OGFOD3: variants seen among roughly 807,000 people sequenced by gnomAD.
OGFOD3 encodes 2-oxoglutarate and iron dependent oxygenase domain containing 3, also known as 2-oxoglutarate and iron-dependent oxygenase domain-containing protein 3.
A neutral mutation model predicts 39.8 loss-of-function variants in OGFOD3; 35 were observed. The ratio of observed to expected loss-of-function variants is 0.88; its 90% CI spans 0.67 to 1.17. OGFOD3 has a LOEUF of 1.17. Ranked by LOEUF, OGFOD3 falls within the 50% of genes most tolerant of loss-of-function variation. OGFOD3 has a pLI of 0.00. For missense variants in OGFOD3, 438 were observed against 454.5 expected (o/e 0.96, Z 0.33); for synonymous variants, 200 against 192.0 (o/e 1.04, Z -0.34).
chr17:82,398,249 C>A lies in OGFOD3; in HGVS notation c.770G>T (p.Gly257Val), dbSNP rs1567866833. ...ACCCTCCTCCATGAACATGAACCGC[C>A]CTCCGCCGAAGTCCTCCAGGTAGTT... ...LSNYLEDFGG[G>V]RFMFMEEGAN... Residue 257 changes from glycine (G) to valine (V), a missense_variant, in exon 8 of 9, where the codon GGG becomes GTG. Transcript: ENST00000313056. 1.2e-6 allele frequency: 2 copies of A among 1,614,174 alleles called. No individual in the cohort carries two copies. Among genetic ancestry groups the A allele is most frequent in the Non-Finnish European group, 1.7e-6 (2 of 1,180,026 alleles).
At chr17:82,411,919 A>G (rs538186713) in intron 2 of OGFOD3, among the ~76,000 whole-genome samples, 2 of 152,086 alleles carry the variant, frequency 1.3e-5, no homozygotes, top group Non-Finnish European at 2.9e-5. Context: ...AGACCGCCAG[A>G]GAGGAAAACC....
intron 8 of OGFOD3, chr17:82,394,558 C>T (rs757750601): frequency 1.9e-6 from 3 of 1,595,100 alleles, no homozygotes; most frequent in South Asian, 1.1e-5. Flanking sequence ...GGACACAGGA[C>T]AGGGATTGTG....
intron 2 of OGFOD3, among the ~76,000 whole-genome samples, chr17:82,413,768 G>C (rs1276614856): frequency 1.3e-5 from 2 of 151,846 alleles, no homozygotes; most frequent in Non-Finnish European, 2.9e-5. Flanking sequence ...CTACTCAGGA[G>C]GCTGAGGCAG....
chr17:82,405,927 G>A (rs368694797), intron 5 of OGFOD3, among the ~76,000 whole-genome samples: 1 of 152,214 alleles, frequency 6.6e-6, no homozygotes, highest in Non-Finnish European at 1.5e-5. Context: ...CAGCCTAGGC[G>A]ACAGAGCAAG....
chr17:82,413,099 C>T (rs1238686409), intron 2 of OGFOD3, among the ~76,000 whole-genome samples: 1 of 152,176 alleles, frequency 6.6e-6, no homozygotes, highest in Non-Finnish European at 1.5e-5. Context: ...ATCTAATGGA[C>T]ATAGGTGTTG....
intron 8 of OGFOD3, among the ~76,000 whole-genome samples, chr17:82,396,209 C>T (rs1368743809): frequency 6.7e-6 from 1 of 149,946 alleles, no homozygotes; most frequent in Non-Finnish European, 1.5e-5. Flanking sequence ...AGATGTACGA[C>T]ATCAAATCGC....
rs538772407 is a variant in OGFOD3, at chr17:82,394,462, G to C, written c.824-1928C>G. ...AGTCCCCGGAGGACACCTGACTCCA[G>C]CCTTCGCACCAGCAGCTTCACTGGC... On this transcript the variant is annotated intron_variant, in intron 8 of 8. Transcript: ENST00000313056. 5.0e-6 allele frequency: 8 copies of C among 1,613,972 alleles called. No homozygotes were observed. Among genetic ancestry groups the C allele is most frequent in the Middle Eastern group, 3.3e-4 (2 of 6,060 alleles).
Position 82,403,824 on chromosome 17 carries a change from ACGCTCACCTTGTCCACGAGCG to A in OGFOD3, c.699+92_699+112del, listed in dbSNP as rs1026235747. The A allele has an allele frequency of 6.7e-6, 9 of 1,340,632 alleles. No homozygotes were observed. In the East Asian group the frequency reaches 7.8e-5, roughly 12 times the overall value. The allele number at this position is 1,340,632 out of a possible 1,614,324, so 83.0% of individuals were successfully genotyped here. On this transcript the variant is annotated intron_variant, in intron 7 of 8. Transcript: ENST00000313056. Reference sequence around the variant, plus strand: ...GTACGCACTCACCCTGCCCACGGGCACGCTCACCTTGTCCACGAGCGCGCTCACCCTGCCCACGTGCGCACT... The same window carrying A: ...GTACGCACTCACCCTGCCCACGGGCACGCTCACCCTGCCCACGTGCGCACT...
At chr17:82,394,076 G>C (rs550534837) in intron 8 of OGFOD3, among the ~76,000 whole-genome samples, 1 of 148,416 alleles carries the variant, frequency 6.7e-6, no homozygotes, top group South Asian at 2.1e-4. Flanking sequence ...TGCAAGCTCT[G>C]CCTCCTGGGT....
At chr17:82,416,304 G>A (rs978878720) in intron 1 of OGFOD3, among the ~76,000 whole-genome samples, 2 of 152,170 alleles carry the variant, frequency 1.3e-5, no homozygotes, top group Admixed American at 1.3e-4. Context: ...ACAAAATAAG[G>A]ATGTTTAAAA....
intron 4 of OGFOD3, among the ~76,000 whole-genome samples, chr17:82,407,569 G>A (rs984094448): frequency 1.3e-5 from 2 of 152,148 alleles, no homozygotes; most frequent in Non-Finnish European, 2.9e-5. Flanking sequence ...CCTTCCCTAC[G>A]TCCTCAGAGG....
chr17:82,418,298 CCCCCCA>C (rs1476756192), intron 1 of OGFOD3, 108 bp downstream of exon 1: 11 of 145,332 alleles, frequency 7.6e-5, no homozygotes, highest in Middle Eastern at 3.4e-3. Flanking sequence ...CCACCTGCCC[CCCCCCA>C]CCCCCCCACC....
At chr17:82,402,917 G>A (rs891909674) in intron 7 of OGFOD3, among the ~76,000 whole-genome samples, 2 of 152,136 alleles carry the variant, frequency 1.3e-5, no homozygotes, top group East Asian at 1.9e-4. Context: ...GCCAGGCGTC[G>A]GGGCACGCAC....
intron 8 of OGFOD3, 112 bp downstream of exon 8, chr17:82,398,084 A>C: frequency 2.2e-6 from 3 of 1,361,280 alleles, no homozygotes; most frequent in Non-Finnish European, 3.1e-6. Flanking sequence ...CCGGCCCGGC[A>C]CACAGCAGAT....
At chr17:82,395,304 T>G (rs1187464210) in intron 8 of OGFOD3, among the ~76,000 whole-genome samples, 1 of 152,184 alleles carries the variant, frequency 6.6e-6, no homozygotes, top group Non-Finnish European at 1.5e-5. Flanking sequence ...GTGCTGGGAT[T>G]ACAGGTGTGA....
intron 4 of OGFOD3, 152 bp downstream of exon 4, chr17:82,409,216 G>A (rs2052905129): frequency 2.8e-6 from 2 of 719,594 alleles, no homozygotes; most frequent in East Asian, 5.2e-5. Flanking sequence ...AGGCGCAGCT[G>A]CTGCGGCTGG....
intron 7 of OGFOD3, among the ~76,000 whole-genome samples, chr17:82,402,798 T>A (rs929913382): frequency 6.6e-6 from 1 of 151,390 alleles, no homozygotes; most frequent in African/African-American, 2.4e-5. Context: ...CTCTCGCCTG[T>A]AATCCCAGCA....
rs2052863550 is a variant in OGFOD3, at chr17:82,406,819, CT to C, written c.424-338del. Among the ~76,000 whole-genome samples the C allele has an allele frequency of 6.6e-6, 1 of 152,134 alleles. No individual in the cohort carries two copies. The highest frequency in any genetic ancestry group is 6.5e-5 in the Admixed American group (1 of 15,270). ...GTCTCACTATATTACCTAGGCTGGT[CT>C]CGAACTCCGGGGCTCAAGTGATCCT... is the stretch of plus-strand genomic sequence containing the variant. On this transcript the variant is annotated intron_variant, in intron 4 of 8. Transcript: ENST00000313056. This position sits in a 1 kb window ranked among gnomAD's most constrained non-coding sequence, Gnocchi z 5.2.
rs747684612 is a variant in OGFOD3, at chr17:82,415,402, G to A, written c.300C>T (p.Phe100=). 6.2e-7 allele frequency: 1 copy of A among 1,612,052 alleles called. No homozygotes were observed. The highest frequency in any genetic ancestry group is 1.1e-5 in the South Asian group (1 of 90,974). The change falls in exon 2 of 9, where the codon TTC becomes TTT. Residue 100 remains phenylalanine, a synonymous_variant. Coordinates refer to ENST00000313056, the MANE Select transcript of OGFOD3 (RefSeq NM_024648.3). This position sits in a 1 kb window ranked among gnomAD's most constrained non-coding sequence, Gnocchi z 5.3. ...AGTGTTGCTTTCCTGAACTACCTTC[G>A]AACCTGCGGTGACTGTCGTAGTCCT... The part of the protein sequence containing the change: ...CSEDYDSHRR[F]EGCTPRKCGR...
Sources: allele counts gnomAD v4.1 joint callset (sites outside exome capture counted in the v4.1 genomes callset), GRCh38; gene constraint gnomAD v4.1.1; non-coding constraint Gnocchi (gnomAD v3.1); transcripts MANE v1.5; gene names NCBI Gene and HGNC (gene_info 2026-07-23, HGNC 2026-07-21).